NFIL3: variants seen among roughly 807,000 people sequenced by gnomAD.
NFIL3 encodes the protein nuclear factor interleukin-3-regulated protein.
Under a neutral mutation model 10.0 loss-of-function variants are expected in NFIL3, and 5 were observed. The observed-to-expected ratio is 0.50, with a 90% confidence interval of 0.26 to 1.06. The LOEUF (loss-of-function observed/expected upper bound fraction) is 1.06. Among genes scored for constraint, NFIL3 ranks in the 50% least tolerant of loss-of-function variants. The pLI, the probability that NFIL3 is intolerant of heterozygous loss-of-function variation, is 0.13. For missense variants in NFIL3, 436 were observed against 547.6 expected, an observed-to-expected ratio of 0.80 and a Z score of 2.03; for synonymous variants, 202 against 206.5, an observed-to-expected ratio of 0.98 and a Z score of 0.19.
the NFIL3 span, among the ~76,000 whole-genome samples, chr9:91,464,916 G>A: frequency 1.3e-5 from 2 of 151,974 alleles, no homozygotes; most frequent in Admixed American, 6.6e-5. Flanking sequence ...CTCTCTTAGC[G>A]TTAAGCTGTA....
the NFIL3 span, among the ~76,000 whole-genome samples, chr9:91,454,073 A>G: frequency 3.3e-5 from 5 of 151,854 alleles, no homozygotes; most frequent in South Asian, 1.0e-3. Context: ...TCTCTACTAA[A>G]AATACAAAAA....
At chr9:91,465,514 T>C in the NFIL3 span, among the ~76,000 whole-genome samples, 1 of 152,168 alleles carries the variant, frequency 6.6e-6, no homozygotes, top group Non-Finnish European at 1.5e-5. Context: ...CTACCTTTAC[T>C]CTATTTTTCC....
chr9:91,461,688 A>G, the NFIL3 span, among the ~76,000 whole-genome samples: 1 of 152,144 alleles, frequency 6.6e-6, no homozygotes, highest in Non-Finnish European at 1.5e-5. Flanking sequence ...TCTGTGTCTG[A>G]GTCCTCTCTG....
At chr9:91,432,869 G>A in the NFIL3 span, among the ~76,000 whole-genome samples, 1 of 152,160 alleles carries the variant, frequency 6.6e-6, no homozygotes, top group Admixed American at 6.5e-5. Context: ...ATTTTGAACT[G>A]CAGACTAGGA....
At chr9:91,450,157 T>G in the NFIL3 span, among the ~76,000 whole-genome samples, 2 of 152,146 alleles carry the variant, frequency 1.3e-5, no homozygotes, top group South Asian at 2.1e-4. Context: ...AACAAACTTT[T>G]GGGTTAATTC....
At chr9:91,466,446 A>C in the NFIL3 span, among the ~76,000 whole-genome samples, 9 of 152,156 alleles carry the variant, frequency 5.9e-5, no homozygotes, top group African/African-American at 2.2e-4. Context: ...AGAGAACTGC[A>C]ATTGTTATGA....
the NFIL3 span, among the ~76,000 whole-genome samples, chr9:91,463,397 T>G: frequency 6.6e-6 from 1 of 151,404 alleles, no homozygotes; most frequent in Non-Finnish European, 1.5e-5. Flanking sequence ...TTTTATTTAT[T>G]TCATTATTTA....
At chr9:91,482,009 G>C in the NFIL3 span, among the ~76,000 whole-genome samples, 1 of 152,106 alleles carries the variant, frequency 6.6e-6, no homozygotes, top group Non-Finnish European at 1.5e-5. Context: ...ATGACACCTT[G>C]GTGCCGGAAA....
the NFIL3 span, among the ~76,000 whole-genome samples, chr9:91,459,815 G>A: frequency 6.6e-5 from 10 of 152,162 alleles, no homozygotes; most frequent in Non-Finnish European, 1.3e-4. Flanking sequence ...GCTATAGCTC[G>A]AATACAGTGC....
upstream of NFIL3, among the ~76,000 whole-genome samples, chr9:91,425,344 A>G (rs143216582): frequency 1.3e-5 from 2 of 152,318 alleles, no homozygotes; most frequent in African/African-American, 4.8e-5. Flanking sequence ...AGTTAATATC[A>G]TAATAACGCA....
At chr9:91,477,319 G>A in the NFIL3 span, among the ~76,000 whole-genome samples, 5 of 152,104 alleles carry the variant, frequency 3.3e-5, no homozygotes, top group Admixed American at 1.3e-4. Context: ...GAACCCCCTC[G>A]TGCTTCACAT....
At chr9:91,441,877 T>G in the NFIL3 span, among the ~76,000 whole-genome samples, 1 of 152,256 alleles carries the variant, frequency 6.6e-6, no homozygotes, top group African/African-American at 2.4e-5. Flanking sequence ...TCGTTATTTT[T>G]GACTGTTTTG....
chr9:91,455,765 A>G, the NFIL3 span, among the ~76,000 whole-genome samples: 8 of 152,148 alleles, frequency 5.3e-5, no homozygotes, highest in Admixed American at 2.0e-4. Flanking sequence ...AAGTTAACCC[A>G]TTTATGCCTA....
chr9:91,483,065 T>A, the NFIL3 span, among the ~76,000 whole-genome samples: 1 of 152,102 alleles, frequency 6.6e-6, no homozygotes, highest in South Asian at 2.1e-4. Flanking sequence ...TCCCTTATCA[T>A]CTCCCTCAAC....
At chr9:91,417,208 CATT>C (rs1833673316) in intron 1 of NFIL3, among the ~76,000 whole-genome samples, 2 of 151,902 alleles carry the variant, frequency 1.3e-5, no homozygotes, top group Non-Finnish European at 2.9e-5. Context: ...GATTTGGAAA[CATT>C]ATAGAATTAT....
chr9:91,464,296 T>C, the NFIL3 span, among the ~76,000 whole-genome samples: 1 of 152,164 alleles, frequency 6.6e-6, no homozygotes, highest in African/African-American at 2.4e-5. Flanking sequence ...TCTTGGCATA[T>C]CAAATATACC....
At position 91,410,897 on chromosome 9, in the gene NFIL3, CCTT is replaced by C. The variant is rs1308404463; in HGVS notation, c.-166_-164del. ...CTCCTTATTGAATGAAGTTGGGCCT[CCTT>C]CGTTATCTGCAATACATGAATAAAA... is the stretch of plus-strand genomic sequence containing the variant. On this transcript the variant is annotated 5_prime_UTR_variant, in exon 2 of 2. Transcript: ENST00000297689. This position sits in a 1 kb window ranked among gnomAD's most constrained non-coding sequence, Gnocchi z 5.7. The C allele has an allele frequency of 1.5e-5, 9 of 612,182 alleles. No individual in the cohort carries two copies. The East Asian group carries it at 2.4e-4, about 16-fold the overall frequency. 37.9% of individuals were successfully genotyped at this position (612,182 alleles called of 1,614,324 possible).
At chr9:91,445,095 C>T in the NFIL3 span, among the ~76,000 whole-genome samples, 1 of 152,038 alleles carries the variant, frequency 6.6e-6, no homozygotes, top group Non-Finnish European at 1.5e-5. Context: ...CAGCTGAGGC[C>T]CATGGAGCTA....
chr9:91,466,546 G>T, the NFIL3 span, among the ~76,000 whole-genome samples: 1 of 152,126 alleles, frequency 6.6e-6, no homozygotes, highest in Non-Finnish European at 1.5e-5. Context: ...AACATGTAAA[G>T]TATTGGCTCT....
Sources: allele counts gnomAD v4.1 joint callset (sites outside exome capture counted in the v4.1 genomes callset), GRCh38; gene constraint gnomAD v4.1.1; non-coding constraint Gnocchi (gnomAD v3.1); transcripts MANE v1.5; gene names NCBI Gene and HGNC (gene_info 2026-07-23, HGNC 2026-07-21).